The following ITPR1 variants were observed in gnomAD, a reference collection of about 807,000 sequenced individuals.
ITPR1 encodes inositol 1,4,5-trisphosphate receptor type 1.
ITPR1 carries 96 observed loss-of-function variants against 318.4 expected under a neutral mutation model. The ratio of observed to expected loss-of-function variants is 0.30; its 90% confidence interval spans 0.26 to 0.36. The LOEUF (loss-of-function observed/expected upper bound fraction) is 0.36, where lower values mean the gene tolerates loss of function less well. Ranked by LOEUF, ITPR1 falls within the 10% of genes least tolerant of loss-of-function variation. ITPR1 has a pLI of 1.00. For missense variants in ITPR1, 2,440 were observed against 3,460.2 expected, an observed-to-expected ratio of 0.71 and a Z score of 7.40; for synonymous variants, 1,312 against 1,289.9, an observed-to-expected ratio of 1.02 and a Z score of -0.37.
intron 24 of ITPR1, 130 bp from the exon 25 acceptor site, chr3:4,680,422 AC>A: frequency 1.3e-6 from 1 of 749,132 alleles, no homozygotes; most frequent in Non-Finnish European, 2.2e-6. Context: ...TAAGCCAAAT[AC>A]TTGGCTCACT....
At chr3:4,502,747 C>G (rs1350721765) in intron 2 of ITPR1, among the ~76,000 whole-genome samples, 3 of 151,994 alleles carry the variant, frequency 2.0e-5, no homozygotes, top group Non-Finnish European at 2.9e-5. Context: ...CCCCTGTACC[C>G]CTCTCCTGAT....
At chr3:4,676,492 G>T (rs1176933288) in intron 23 of ITPR1, 122 bp from the exon 24 acceptor site, 2 of 696,544 alleles carry the variant, frequency 2.9e-6, no homozygotes, top group African/African-American at 3.6e-5. Flanking sequence ...CCAGGGTCCT[G>T]AGATTATGTT....
chr3:4,761,926 A>G (rs983923377), intron 44 of ITPR1, among the ~76,000 whole-genome samples: 11 of 152,130 alleles, frequency 7.2e-5, no homozygotes, highest in Non-Finnish European at 1.3e-4. Flanking sequence ...TTGTCTCTCT[A>G]AGTCTAGGTC....
intron 53 of ITPR1, among the ~76,000 whole-genome samples, chr3:4,796,350 A>G (rs1225487834): frequency 6.6e-6 from 1 of 151,862 alleles, no homozygotes. Flanking sequence ...GTCTATGTCT[A>G]AAAAGATTTG....
At chr3:4,793,996 T>A (rs2047734797) in intron 52 of ITPR1, among the ~76,000 whole-genome samples, 1 of 152,232 alleles carries the variant, frequency 6.6e-6, no homozygotes, top group Non-Finnish European at 1.5e-5. Context: ...TGTCATTGGC[T>A]GCTGTCGCAA....
At chr3:4,617,978 G>A (rs541098608) in intron 4 of ITPR1, among the ~76,000 whole-genome samples, 6 of 140,640 alleles carry the variant, frequency 4.3e-5, no homozygotes, top group East Asian at 2.1e-4. Context: ...AAGTGAGACC[G>A]TGCGTATCTC....
chr3:4,497,214 A>G (rs1029407547), intron 2 of ITPR1, among the ~76,000 whole-genome samples: 14 of 152,254 alleles, frequency 9.2e-5, no homozygotes, highest in Non-Finnish European at 2.1e-4. Context: ...GCTAATGAGA[A>G]TAAGCCAGAT....
intron 45 of ITPR1, chr3:4,768,249 C>A: frequency 2.8e-6 from 1 of 359,570 alleles, no homozygotes. Flanking sequence ...GTGAGGCTGA[C>A]AGAACCTGTG....
At chr3:4,509,491 A>G (rs2081639318) in intron 2 of ITPR1, among the ~76,000 whole-genome samples, 1 of 152,160 alleles carries the variant, frequency 6.6e-6, no homozygotes, top group South Asian at 2.1e-4. Context: ...TGTTTTGGAG[A>G]GCAGTCATCT....
At chr3:4,768,425 T>C in intron 45 of ITPR1, 86 bp from the exon 46 acceptor site, 1 of 1,417,794 alleles carries the variant, frequency 7.1e-7, no homozygotes, top group Non-Finnish European at 9.5e-7. Flanking sequence ...GATAAAGGAA[T>C]GTAGGTTTCT....
chr3:4,676,911 CAAAT>C, intron 24 of ITPR1, 110 bp downstream of exon 24: 1 of 774,806 alleles, frequency 1.3e-6, no homozygotes, highest in Non-Finnish European at 2.1e-6. Flanking sequence ...AAAATGGGGG[CAAAT>C]CCTTAGCTCA....
At chr3:4,594,088 A>G (rs1422677229) in intron 4 of ITPR1, among the ~76,000 whole-genome samples, 1 of 152,188 alleles carries the variant, frequency 6.6e-6, no homozygotes, top group Non-Finnish European at 1.5e-5. Context: ...GGTAGAAGGT[A>G]GACTTCGGGC....
At chr3:4,632,880 G>A (rs898738378) in intron 5 of ITPR1, among the ~76,000 whole-genome samples, 4 of 148,358 alleles carry the variant, frequency 2.7e-5, no homozygotes, top group Admixed American at 6.7e-5. Context: ...AATAAAAAAG[G>A]AAGCCAGTTC....
At chr3:4,666,167 G>A (rs943771650) in intron 17 of ITPR1, among the ~76,000 whole-genome samples, 1 of 152,168 alleles carries the variant, frequency 6.6e-6, no homozygotes, top group African/African-American at 2.4e-5. Flanking sequence ...ACCACTTTAT[G>A]TGAACTATCC....
chr3:4,498,037 A>G (rs115286595), intron 2 of ITPR1, among the ~76,000 whole-genome samples: 1,707 of 152,210 alleles, frequency 0.011, 28 homozygotes, highest in African/African-American at 0.039. Flanking sequence ...TTGCTGGGGG[A>G]GATAGAAGAC....
intron 4 of ITPR1, among the ~76,000 whole-genome samples, chr3:4,573,652 A>G (rs2088280914): frequency 6.6e-6 from 1 of 152,174 alleles, no homozygotes; most frequent in Admixed American, 6.5e-5. Flanking sequence ...TACTTGCCTT[A>G]AACACACTAA....
intron 7 of ITPR1, among the ~76,000 whole-genome samples, chr3:4,643,313 C>T (rs182186832): frequency 2.2e-4 from 33 of 152,310 alleles, no homozygotes; most frequent in African/African-American, 7.2e-4. Flanking sequence ...TGTTAGGAAA[C>T]CATCTTTTCT....
intron 2 of ITPR1, among the ~76,000 whole-genome samples, chr3:4,498,811 A>G (rs900447430): frequency 4.6e-5 from 7 of 152,212 alleles, no homozygotes; most frequent in African/African-American, 7.2e-5. Flanking sequence ...ACACAAACCT[A>G]TGTCTTACCG....
intron 44 of ITPR1, among the ~76,000 whole-genome samples, chr3:4,744,085 C>T (rs138695050): frequency 0.014 from 2,119 of 152,318 alleles, 49 homozygotes; most frequent in African/African-American, 0.049. Flanking sequence ...ATCCGCCCGC[C>T]TCAGCCTCCC....
Sources: allele counts gnomAD v4.1 joint callset (sites outside exome capture counted in the v4.1 genomes callset), GRCh38; gene constraint gnomAD v4.1.1; transcripts MANE v1.5; gene names NCBI Gene and HGNC (gene_info 2026-07-23, HGNC 2026-07-21).